Variants in GPC5 observed in about 807,000 individuals in gnomAD.
GPC5 encodes glypican-5.
In GPC5, 47 loss-of-function variants were observed where a neutral mutation model predicts 53.9. The ratio of observed to expected loss-of-function variants is 0.87; its 90% confidence interval spans 0.69 to 1.11. The LOEUF is 1.11. Ranked by LOEUF, GPC5 falls within the 50% of genes most tolerant of loss-of-function variation. The pLI, the probability that GPC5 is intolerant of heterozygous loss-of-function variation, is 0.00. For synonymous variants in GPC5, 286 were observed against 263.3 expected, an observed-to-expected ratio of 1.09 and a Z score of -0.84; for missense variants, 748 against 713.1, an observed-to-expected ratio of 1.05 and a Z score of -0.56.
chr13:91,417,160 G>T (rs1878295622), intron 1 of GPC5, among the ~76,000 whole-genome samples: 1 of 152,118 alleles, frequency 6.6e-6, no homozygotes, highest in Admixed American at 6.6e-5. Flanking sequence ...ATAGCTTTCA[G>T]GGAATATAAG....
At chr13:91,717,673 C>T (rs1016944887) in intron 3 of GPC5, among the ~76,000 whole-genome samples, 2 of 152,110 alleles carry the variant, frequency 1.3e-5, no homozygotes, top group African/African-American at 4.8e-5. Context: ...TTTCCTGTCT[C>T]AGCCTCCCGA....
intron 7 of GPC5, among the ~76,000 whole-genome samples, chr13:92,498,228 T>G (rs143939249): frequency 6.6e-6 from 1 of 152,172 alleles, no homozygotes; most frequent in Non-Finnish European, 1.5e-5. Context: ...AGTGGCATGT[T>G]TCTGGGGTCT....
In GPC5 at chr13:91,763,912, G is replaced by A. The variant is rs186740797; in HGVS notation, c.1280+7492G>A. On this transcript the variant is annotated intron_variant, in intron 5 of 7. Transcript: ENST00000377067. ...AATGGGGTAGTATTTGCGTATAACC[G>A]ATGCACATCCTCCTGTTTACTTTAA... Among the ~76,000 whole-genome samples, 16 of 152,278 alleles carry A rather than the reference G, an allele frequency of 1.1e-4. No homozygotes were observed. The East Asian group carries it at 1.7e-3, about 17-fold the overall frequency.
At chr13:92,272,596 T>C (rs7327268) in intron 7 of GPC5, among the ~76,000 whole-genome samples, 20,023 of 152,134 alleles carry the variant, frequency 0.13, 1,591 homozygotes, top group African/African-American at 0.22. Context: ...TTGGAAAGTG[T>C]AATTATCAGT....
chr13:91,490,782 A>G (rs1342620123), intron 2 of GPC5, among the ~76,000 whole-genome samples: 3 of 152,198 alleles, frequency 2.0e-5, no homozygotes, highest in Non-Finnish European at 4.4e-5. Context: ...TAGTCAAACA[A>G]CTTTCTTCTT....
intron 7 of GPC5, among the ~76,000 whole-genome samples, chr13:92,405,614 A>C (rs180849717): frequency 6.6e-6 from 1 of 152,330 alleles, no homozygotes; most frequent in East Asian, 1.9e-4. Flanking sequence ...AATTCTTTTC[A>C]AGGCTATCTT....
At chr13:92,220,029 C>T (rs984518087) in intron 7 of GPC5, among the ~76,000 whole-genome samples, 1 of 152,156 alleles carries the variant, frequency 6.6e-6, no homozygotes, top group African/African-American at 2.4e-5. Flanking sequence ...TTGCCAAGAA[C>T]CTGGACAGCC....
At chr13:91,553,957 T>C (rs941986826) in intron 2 of GPC5, among the ~76,000 whole-genome samples, 2 of 152,076 alleles carry the variant, frequency 1.3e-5, no homozygotes, top group African/African-American at 4.8e-5. Flanking sequence ...GTTTTTGTTT[T>C]GAAACTTTAT....
intron 7 of GPC5, among the ~76,000 whole-genome samples, chr13:92,503,857 T>C (rs757326647): frequency 6.6e-6 from 1 of 151,926 alleles, no homozygotes; most frequent in Non-Finnish European, 1.5e-5. Context: ...ACTATTTAAT[T>C]TGTAGTTAGT....
chr13:92,457,846 C>T (rs1052519932), intron 7 of GPC5, among the ~76,000 whole-genome samples: 4 of 152,128 alleles, frequency 2.6e-5, no homozygotes, highest in South Asian at 2.1e-4. Flanking sequence ...TTGACCCTTA[C>T]GGTTAATCTA....
chr13:91,403,966 G>C (rs1053451245), intron 1 of GPC5, among the ~76,000 whole-genome samples: 1 of 152,090 alleles, frequency 6.6e-6, no homozygotes, highest in African/African-American at 2.4e-5. Flanking sequence ...CATAATTTAA[G>C]TTCCATTTTG....
At chr13:92,369,458 T>C (rs143938853) in intron 7 of GPC5, among the ~76,000 whole-genome samples, 36 of 152,374 alleles carry the variant, frequency 2.4e-4, no homozygotes, top group Non-Finnish European at 2.9e-4. Context: ...ATTACAGATC[T>C]GAGCCACCAC....
At chr13:91,437,374 G>A (rs1880063523) in intron 1 of GPC5, among the ~76,000 whole-genome samples, 2 of 152,116 alleles carry the variant, frequency 1.3e-5, no homozygotes, top group African/African-American at 2.4e-5. Flanking sequence ...CTCTTTTAGG[G>A]CAGGCCTGGT....
intron 3 of GPC5, among the ~76,000 whole-genome samples, chr13:91,727,026 A>C (rs922956285): frequency 6.6e-6 from 1 of 152,188 alleles, no homozygotes; most frequent in African/African-American, 2.4e-5. Context: ...CCAAATGCAC[A>C]GTGTAGTTGC....
chr13:92,760,336 A>T (rs955561528), intron 7 of GPC5, among the ~76,000 whole-genome samples: 35 of 152,082 alleles, frequency 2.3e-4, no homozygotes, highest in African/African-American at 8.2e-4. Context: ...GAAGTTTTTA[A>T]TTATTACTTT....
At chr13:92,385,238 G>A (rs2043782473) in intron 7 of GPC5, among the ~76,000 whole-genome samples, 1 of 150,200 alleles carries the variant, frequency 6.7e-6, no homozygotes, top group African/African-American at 2.4e-5. Context: ...GACAATAGTA[G>A]TAAGTTTTGA....
At chr13:91,591,368 A>G (rs1483241651) in intron 2 of GPC5, among the ~76,000 whole-genome samples, 2 of 152,106 alleles carry the variant, frequency 1.3e-5, no homozygotes, top group South Asian at 4.1e-4. Flanking sequence ...TACCGTTAGG[A>G]CTTTTTCTTT....
intron 5 of GPC5, among the ~76,000 whole-genome samples, chr13:91,851,193 A>G (rs868112851): frequency 9.9e-5 from 15 of 152,194 alleles, no homozygotes; most frequent in African/African-American, 3.4e-4. Flanking sequence ...ATCTCATTAG[A>G]GATGAGATAC....
rs1566565177 is a variant in GPC5 at position 92,381,857 on chromosome 13, G to GTTATATAT, written c.1561+236868_1561+236869insTTATATAT. On this transcript the variant is annotated intron_variant, in intron 7 of 7. Transcript: ENST00000377067. The stretch of plus-strand genomic sequence containing the variant: ...TATTATATTGTATATGATCATATAT[G>GTTATATAT]ATTATATATATCATATATATGATTA... Among the ~76,000 whole-genome samples the GTTATATAT allele has an allele frequency of 8.2e-3, 457 of 56,054 alleles. 19 individuals carry two copies. Among genetic ancestry groups the GTTATATAT allele is most frequent in the African/African-American group, 0.024 (431 of 18,010 alleles). The allele number at this position is 56,054 out of a possible 152,430, so 36.8% of individuals were successfully genotyped here.
Sources: gnomAD v4.1 joint callset for allele counts (sites outside exome capture counted in the v4.1 genomes callset) on GRCh38, gnomAD v4.1.1 for gene constraint, MANE v1.5 for transcripts, NCBI Gene and HGNC (gene_info 2026-07-23, HGNC 2026-07-21) for gene names.